Variants in EVA1C observed in about 807,000 individuals in gnomAD.
EVA1C encodes the protein eva-1 homolog C, also known as protein eva-1 homolog C.
EVA1C carries 25 observed loss-of-function variants against 45.4 expected under a neutral mutation model. The ratio of observed to expected loss-of-function variants is 0.55; its 90% confidence interval spans 0.40 to 0.77. EVA1C has a LOEUF of 0.77. Ranked by LOEUF, EVA1C falls within the 30% of genes least tolerant of loss-of-function variation. The probability of loss-of-function intolerance (pLI) is 0.00; values close to 1 mark genes in which losing one functional copy is unlikely to be tolerated. For synonymous variants in EVA1C, 190 were observed against 221.2 expected (o/e 0.86, Z 1.25); for missense variants, 479 against 554.8 (o/e 0.86, Z 1.37).
intron 7 of EVA1C, among the ~76,000 whole-genome samples, chr21:32,511,945 A>G (rs1298007315): frequency 6.6e-6 from 1 of 152,204 alleles, no homozygotes; most frequent in Non-Finnish European, 1.5e-5. Flanking sequence ...GTGGGTGAAT[A>G]AACTACATTA....
intron 7 of EVA1C, among the ~76,000 whole-genome samples, chr21:32,506,851 G>A (rs1166565060): frequency 6.6e-6 from 1 of 152,080 alleles, no homozygotes; most frequent in African/African-American, 2.4e-5. Context: ...TCGCATCCCC[G>A]GCCCCACTGT....
intron 7 of EVA1C, among the ~76,000 whole-genome samples, chr21:32,507,448 A>G (rs188032159): frequency 2.8e-5 from 4 of 144,880 alleles, no homozygotes; most frequent in Non-Finnish European, 4.5e-5. Flanking sequence ...ATAGGTGTCT[A>G]TGCGTGTGCG....
intron 2 of EVA1C, among the ~76,000 whole-genome samples, chr21:32,454,196 T>C (rs921843477): frequency 7.2e-5 from 11 of 152,164 alleles, no homozygotes; most frequent in Non-Finnish European, 1.2e-4. Flanking sequence ...GCCACTGCAC[T>C]CTAGCCTGGG....
At chr21:32,454,392 G>A (rs1168655056) in intron 2 of EVA1C, among the ~76,000 whole-genome samples, 2 of 152,154 alleles carry the variant, frequency 1.3e-5, no homozygotes, top group Non-Finnish European at 2.9e-5. Context: ...CATAGTACCA[G>A]GAATTGGGAG....
At chr21:32,491,892 C>T (rs1485314583) in intron 4 of EVA1C, among the ~76,000 whole-genome samples, 1 of 151,956 alleles carries the variant, frequency 6.6e-6, no homozygotes, top group East Asian at 1.9e-4. Flanking sequence ...AATCATTGCA[C>T]ATGGCGGAGT....
chr21:32,496,523 CCTG>C (rs1194359262), intron 5 of EVA1C, among the ~76,000 whole-genome samples: 1 of 152,190 alleles, frequency 6.6e-6, no homozygotes, highest in East Asian at 1.9e-4. Context: ...TGTCTTTATT[CCTG>C]CTGTCATGTC....
chr21:32,493,722 A>G (rs2037244088), intron 4 of EVA1C: 1 of 152,202 alleles, frequency 6.6e-6, no homozygotes, highest in East Asian at 1.9e-4. Context: ...GCTCTATTGC[A>G]AATCCTGTGA....
chr21:32,412,974 G>C lies in EVA1C; in HGVS notation c.121G>C (p.Val41Leu). The change falls in exon 1 of 8, where the codon GTC becomes CTC. Residue 41 changes from valine to leucine, a missense_variant. Physicochemically the swap from Val to Leu is conservative, Grantham distance 32 (BLOSUM62 1). Around this residue, in one of 3 missense-constraint regions of EVA1C, gnomAD observed 80 missense variants for 63.8 expected, o/e 1.25. Transcript: ENST00000300255. ...GCGCCTCTTCTACTGCACTGTCCTG[G>C]TCTGCTCCAAAGAGATCTCAGCGCT... is the stretch of plus-strand genomic sequence containing the variant. ...LLRLFYCTVL[V>L]CSKEISALTD... 6.6e-7 allele frequency: 1 copy of C among 1,523,110 alleles called. No individual in the cohort carries two copies. The highest frequency in any genetic ancestry group is 8.8e-7 in the Non-Finnish European group (1 of 1,134,706). 94.3% of individuals were successfully genotyped at this position (1,523,110 alleles called of 1,614,324 possible). A position where few individuals can be genotyped will look rare whatever the true frequency, so the allele number is the denominator to read the frequency against.
chr21:32,505,721 C>G (rs1445318238), intron 7 of EVA1C, among the ~76,000 whole-genome samples: 2 of 152,160 alleles, frequency 1.3e-5, no homozygotes, highest in African/African-American at 4.8e-5. Context: ...TGGACAGCAG[C>G]CTTCTTGCTT....
chr21:32,413,126 C>A, intron 1 of EVA1C, 113 bp downstream of exon 1: 1 of 921,224 alleles, frequency 1.1e-6, no homozygotes, highest in Non-Finnish European at 1.5e-6. Context: ...AAAGTTGAGG[C>A]GTGCTCACAG....
chr21:32,449,375 C>T lies in EVA1C; in HGVS notation c.161-3937C>T, dbSNP rs374772092. ...TCCTCTGTGTTCCACCAATTCATTC[C>T]TCCTTTCTCCTGACCTCTGGCAACC... On this transcript the variant is annotated intron_variant, in intron 1 of 7. Coordinates refer to ENST00000300255, the MANE Select transcript of EVA1C (RefSeq NM_058187.5). Among the ~76,000 whole-genome samples, 5 of 152,368 alleles carry T rather than the reference C, an allele frequency of 3.3e-5. No individual in the cohort carries two copies. The East Asian group carries it at 7.7e-4, about 24-fold the overall frequency.
At chr21:32,490,689 T>C (rs1389318967) in intron 4 of EVA1C, among the ~76,000 whole-genome samples, 3 of 152,214 alleles carry the variant, frequency 2.0e-5, no homozygotes, top group Admixed American at 6.5e-5. Context: ...AGCCATGGTG[T>C]TTTTTTCCCT....
At chr21:32,431,608 A>G (rs1207978650) in intron 1 of EVA1C, among the ~76,000 whole-genome samples, 1 of 152,248 alleles carries the variant, frequency 6.6e-6, no homozygotes, top group East Asian at 1.9e-4. Flanking sequence ...ACACCTGCAG[A>G]AACATTGCAC....
rs796661872 is a variant in EVA1C at position 32,507,759 on chromosome 21, CGTGT to C, written c.949+3750_949+3753del. On this transcript the variant is annotated intron_variant, in intron 7 of 7. Coordinates refer to ENST00000300255, the MANE Select transcript of EVA1C (RefSeq NM_058187.5). ...GTATCTGCATGTGCATATGTGTTTG[CGTGT>C]GTGTGCATGTATGTGTATCTCTGTG... Among the ~76,000 whole-genome samples the C allele has an allele frequency of 7.4e-3, 1,075 of 145,462 alleles. 14 individuals are homozygous for C. Among genetic ancestry groups the C allele is most frequent in the African/African-American group, 0.026 (1,016 of 38,920 alleles).
rs563311956 is a variant in EVA1C, at chr21:32,452,669, A to G, written c.161-643A>G. The stretch of plus-strand genomic sequence containing the variant: ...AGATTTCGCATGGACTTGGAGAAGG[A>G]GTGCAAGGTTTTATTGAGTGGAGGA... On this transcript the variant is annotated intron_variant, in intron 1 of 7. Coordinates refer to ENST00000300255, the MANE Select transcript of EVA1C (RefSeq NM_058187.5). The surrounding 1 kb of genome is among the most constrained non-coding windows in gnomAD (Gnocchi z 4.0). 2.0e-5 allele frequency: 3 copies of G among 152,236 alleles called. No homozygotes were observed. Among genetic ancestry groups the G allele is most frequent in the East Asian group, 3.9e-4 (2 of 5,156 alleles). The allele number at this position is 152,236 out of a possible 1,614,324, so 9.4% of individuals were successfully genotyped here.
At chr21:32,435,021 T>C (rs1189857216) in intron 1 of EVA1C, among the ~76,000 whole-genome samples, 1 of 152,300 alleles carries the variant, frequency 6.6e-6, no homozygotes, top group African/African-American at 2.4e-5. Context: ...GTTTTATCCA[T>C]GATGTCTGCA....
intron 5 of EVA1C, among the ~76,000 whole-genome samples, chr21:32,495,467 G>A (rs1271130403): frequency 6.6e-6 from 1 of 152,184 alleles, no homozygotes; most frequent in African/African-American, 2.4e-5. Context: ...GGGGTAAACT[G>A]ATGTCACTGA....
intron 1 of EVA1C, among the ~76,000 whole-genome samples, chr21:32,442,517 G>A (rs1273404086): frequency 6.6e-6 from 1 of 151,416 alleles, no homozygotes; most frequent in East Asian, 1.9e-4. Context: ...TTCTCTAAAT[G>A]CATTCACAAA....
intron 7 of EVA1C, among the ~76,000 whole-genome samples, chr21:32,508,705 C>T (rs1306532808): frequency 1.3e-5 from 2 of 152,238 alleles, no homozygotes; most frequent in Non-Finnish European, 2.9e-5. Context: ...TGACTGCTGC[C>T]TCGATCCTCT....
Sources: gnomAD v4.1 joint callset for allele counts (sites outside exome capture counted in the v4.1 genomes callset) on GRCh38, gnomAD v4.1.1 for gene constraint, gnomAD v4.1.1 regional missense constraint, Gnocchi (gnomAD v3.1) non-coding constraint, MANE v1.5 for transcripts, NCBI Gene and HGNC (gene_info 2026-07-23, HGNC 2026-07-21) for gene names.